The following PTPRT variants were observed in gnomAD, a reference collection of about 807,000 sequenced individuals.
PTPRT encodes receptor-type tyrosine-protein phosphatase T.
In PTPRT, 56 loss-of-function variants were observed where a neutral mutation model predicts 176.8. The ratio of observed to expected loss-of-function variants is 0.32; its 90% CI spans 0.26 to 0.40. PTPRT has a LOEUF of 0.40. Among genes scored for constraint, PTPRT ranks in the 10% least tolerant of loss-of-function variants. PTPRT has a pLI of 1.00. For missense variants in PTPRT, 1,540 were observed against 1,908.2 expected (o/e 0.81, Z 3.60); for synonymous variants, 783 against 739.0 (o/e 1.06, Z -0.96).
intron 7 of PTPRT, among the ~76,000 whole-genome samples, chr20:42,568,696 G>A (rs1472569588): frequency 1.3e-5 from 2 of 152,122 alleles, no homozygotes; most frequent in Admixed American, 6.5e-5. Flanking sequence ...CTGGCCTACA[G>A]AGAGCTGTCT....
intron 1 of PTPRT, among the ~76,000 whole-genome samples, chr20:43,182,671 G>A (rs1170093499): frequency 3.9e-5 from 6 of 152,080 alleles, no homozygotes; most frequent in South Asian, 2.1e-4. Flanking sequence ...GATTACAGGC[G>A]TGAGCCACCA....
Position 42,151,217 on chromosome 20 carries a change from G to A in PTPRT, c.2683-9215C>T, listed in dbSNP as rs568112726. Reference sequence around the variant, plus strand: ...TGTTACATAGCTATACATGTGCCATGGTGGTTTGCTGCACCTATCAACCTA... The same window carrying A: ...TGTTACATAGCTATACATGTGCCATAGTGGTTTGCTGCACCTATCAACCTA... On this transcript the variant is annotated intron_variant, in intron 17 of 30. Transcript: ENST00000373187. 8.6e-5 allele frequency among the ~76,000 whole-genome samples: 13 copies of A among 151,872 alleles called. 1 individual carries two copies. The highest frequency in any genetic ancestry group is 2.4e-4 in the African/African-American group (10 of 41,402).
intron 12 of PTPRT, among the ~76,000 whole-genome samples, chr20:42,304,144 C>T (rs1340107022): frequency 6.6e-6 from 1 of 152,158 alleles, no homozygotes; most frequent in African/African-American, 2.4e-5. Flanking sequence ...CATTCCCAAA[C>T]TTCCTTTGAC....
At chr20:42,425,131 C>G (rs973327322) in intron 9 of PTPRT, among the ~76,000 whole-genome samples, 1 of 152,044 alleles carries the variant, frequency 6.6e-6, no homozygotes, top group South Asian at 2.1e-4. Flanking sequence ...TGCATCCACT[C>G]TCTGCTAGGT....
chr20:43,137,068 C>T (rs1014868428), intron 1 of PTPRT, among the ~76,000 whole-genome samples: 17 of 152,168 alleles, frequency 1.1e-4, no homozygotes, highest in Non-Finnish European at 4.4e-5. Context: ...GTCTCCTGGT[C>T]TTCTACCTGT....
intron 1 of PTPRT, among the ~76,000 whole-genome samples, chr20:42,936,597 G>C (rs983884398): frequency 1.3e-5 from 2 of 152,198 alleles, no homozygotes; most frequent in Admixed American, 1.3e-4. Flanking sequence ...GAAGACCAAT[G>C]TCAGTGGGGT....
intron 7 of PTPRT, among the ~76,000 whole-genome samples, chr20:42,542,829 G>C (rs1274681087): frequency 6.6e-6 from 1 of 152,168 alleles, no homozygotes; most frequent in African/African-American, 2.4e-5. Context: ...ATGTAATCAA[G>C]TGACTTCCAA....
At chr20:42,154,508 T>C (rs1369756292) in intron 17 of PTPRT, among the ~76,000 whole-genome samples, 1 of 152,230 alleles carries the variant, frequency 6.6e-6, no homozygotes, top group Non-Finnish European at 1.5e-5. Flanking sequence ...AAATGTTTGC[T>C]CTTCATTAGG....
intron 1 of PTPRT, among the ~76,000 whole-genome samples, chr20:42,901,004 A>T (rs947608153): frequency 6.6e-6 from 1 of 152,116 alleles, no homozygotes; most frequent in African/African-American, 2.4e-5. Context: ...CCACTATCTC[A>T]AGCAGCAGAA....
chr20:42,757,954 T>G (rs1472955882), intron 5 of PTPRT, among the ~76,000 whole-genome samples: 1 of 152,242 alleles, frequency 6.6e-6, no homozygotes, highest in African/African-American at 2.4e-5. Context: ...ATCTTCATTG[T>G]GTCTTCACAG....
chr20:42,665,504 A>T (rs1368009941), intron 7 of PTPRT, among the ~76,000 whole-genome samples: 3 of 152,102 alleles, frequency 2.0e-5, no homozygotes, highest in Non-Finnish European at 2.9e-5. Context: ...GGGACTGTAA[A>T]CTAGTTCAAC....
intron 7 of PTPRT, among the ~76,000 whole-genome samples, chr20:42,620,329 C>T (rs2074167544): frequency 6.7e-6 from 1 of 148,982 alleles, no homozygotes; most frequent in South Asian, 2.1e-4. Context: ...CTGGGAGAAC[C>T]ACTGCTCTCT....
chr20:42,685,187 T>C (rs938926109), intron 6 of PTPRT, among the ~76,000 whole-genome samples: 1 of 152,190 alleles, frequency 6.6e-6, no homozygotes, highest in African/African-American at 2.4e-5. Context: ...GGAGGTTAGT[T>C]GTGGTGCATT....
chr20:43,123,026 G>T (rs1401073721), intron 1 of PTPRT, among the ~76,000 whole-genome samples: 1 of 151,902 alleles, frequency 6.6e-6, no homozygotes, highest in African/African-American at 2.4e-5. Context: ...GGCTAATTTT[G>T]TATTTTTAGT....
At chr20:42,804,362 C>G (rs1292446750) in intron 2 of PTPRT, among the ~76,000 whole-genome samples, 2 of 152,162 alleles carry the variant, frequency 1.3e-5, no homozygotes, top group African/African-American at 4.8e-5. Context: ...CCAACCATCT[C>G]TTGGGTTCCC....
chr20:43,188,858 C>T (rs1311637198), intron 1 of PTPRT, among the ~76,000 whole-genome samples: 1 of 26 alleles, frequency 0.038, no homozygotes, highest in Non-Finnish European at 0.1. Context: ...TTTAGGAGCA[C>T]GGCAGGCACC....
intron 13 of PTPRT, among the ~76,000 whole-genome samples, chr20:42,252,376 G>A (rs1028179524): frequency 6.6e-6 from 1 of 152,182 alleles, no homozygotes; most frequent in African/African-American, 2.4e-5. Flanking sequence ...TTTGAAGCGT[G>A]GGGGCCTGTT....
intron 11 of PTPRT, 71 bp downstream of exon 11, chr20:42,350,557 A>T: frequency 1.6e-6 from 2 of 1,265,772 alleles, no homozygotes; most frequent in Non-Finnish European, 2.3e-6. Flanking sequence ...TGCCAGTCAC[A>T]TGATTCAACT....
chr20:42,324,344 A>G (rs2057850165), intron 11 of PTPRT, among the ~76,000 whole-genome samples: 1 of 152,218 alleles, frequency 6.6e-6, no homozygotes, highest in South Asian at 2.1e-4. Flanking sequence ...CAGAAATCAG[A>G]TTAGCAATTG....
Sources: gnomAD v4.1 joint callset for allele counts (sites outside exome capture counted in the v4.1 genomes callset) on GRCh38, gnomAD v4.1.1 for gene constraint, MANE v1.5 for transcripts, NCBI Gene and HGNC (gene_info 2026-07-23, HGNC 2026-07-21) for gene names.